FREM1: variants seen among roughly 807,000 people sequenced by gnomAD.
FREM1 encodes the protein FRAS1-related extracellular matrix protein 1.
Under a neutral mutation model 210.1 loss-of-function variants are expected in FREM1, and 220 were observed. The observed-to-expected ratio is 1.05, with a 90% CI of 0.94 to 1.17. FREM1 has a LOEUF of 1.17. FREM1 is among the 50% of genes most tolerant of loss of function. The pLI is 0.00. For missense variants in FREM1, 3,454 were observed against 2,675.5 expected (o/e 1.29, Z -6.42); for synonymous variants, 1,189 against 980.2 (o/e 1.21, Z -3.98).
chr9:14,907,529 G>A (rs752373145), intron 1 of FREM1, among the ~76,000 whole-genome samples: 7 of 152,272 alleles, frequency 4.6e-5, no homozygotes, highest in African/African-American at 1.4e-4. Context: ...AAGGAGTAGC[G>A]ACATCAGATT....
At chr9:14,825,895 A>T (rs116043297) in intron 10 of FREM1, among the ~76,000 whole-genome samples, 2,090 of 152,042 alleles carry the variant, frequency 0.014, 57 homozygotes, top group African/African-American at 0.047. Flanking sequence ...CATTATTGCA[A>T]CTGCTGCCTG....
At chr9:14,872,872 G>A (rs1412184141) in intron 1 of FREM1, among the ~76,000 whole-genome samples, 1 of 151,916 alleles carries the variant, frequency 6.6e-6, no homozygotes, top group Admixed American at 6.6e-5. Context: ...AGAGTTTTTA[G>A]CATGAAGGGC....
At chr9:14,742,272 A>G (rs1369058991) in intron 35 of FREM1, among the ~76,000 whole-genome samples, 1 of 152,166 alleles carries the variant, frequency 6.6e-6, no homozygotes, top group East Asian at 1.9e-4. Context: ...TTGATTAAGT[A>G]TAGGTAGACT....
At chr9:14,763,293 G>C (rs1014004566) in intron 27 of FREM1, among the ~76,000 whole-genome samples, 66 of 152,148 alleles carry the variant, frequency 4.3e-4, no homozygotes, top group African/African-American at 1.6e-3. Flanking sequence ...CTTCCCTCCA[G>C]TCACGACAGC....
chr9:14,742,061 T>C (rs1841668455), intron 35 of FREM1, among the ~76,000 whole-genome samples: 1 of 152,228 alleles, frequency 6.6e-6, no homozygotes, highest in Non-Finnish European at 1.5e-5. Flanking sequence ...ATTCATATGT[T>C]TATTATTTTA....
At chr9:14,778,822 C>T (rs1293964772) in intron 24 of FREM1, among the ~76,000 whole-genome samples, 1 of 146,404 alleles carries the variant, frequency 6.8e-6, no homozygotes, top group South Asian at 2.2e-4. Flanking sequence ...GTGGGTGGAG[C>T]GCTCGAGCTC....
At chr9:14,819,496 G>A in intron 13 of FREM1, 54 bp from the exon 14 acceptor site, 1 of 1,088,128 alleles carries the variant, frequency 9.2e-7, no homozygotes, top group Non-Finnish European at 1.4e-6. Flanking sequence ...GACCCCTGAA[G>A]ACAGAGCTCA....
chr9:14,768,405 T>C (rs1047446633), intron 27 of FREM1, among the ~76,000 whole-genome samples: 3 of 151,854 alleles, frequency 2.0e-5, no homozygotes, highest in Non-Finnish European at 4.4e-5. Flanking sequence ...CCCATAAAGA[T>C]TGTGATCCTG....
chr9:14,870,183 C>G (rs772390482), intron 1 of FREM1, among the ~76,000 whole-genome samples: 1 of 152,274 alleles, frequency 6.6e-6, no homozygotes, highest in Non-Finnish European at 1.5e-5. Context: ...CCAGTAGATA[C>G]CAAAATGAAT....
chr9:14,770,061 G>C (rs565976220), intron 26 of FREM1, among the ~76,000 whole-genome samples, 193 bp from the exon 27 acceptor site: 1 of 152,238 alleles, frequency 6.6e-6, no homozygotes, highest in Middle Eastern at 3.4e-3. Flanking sequence ...GCATTAAGTT[G>C]ACTGCTTCAG....
intron 28 of FREM1, among the ~76,000 whole-genome samples, chr9:14,759,518 C>CAATAATAATAATAATAATAATAAT (rs6150928): frequency 0.18 from 26,067 of 142,802 alleles, 2,662 homozygotes; most frequent in African/African-American, 0.22. Context: ...CTCAAAATAA[C>CAATAATAATAATAATAATAATAAT]AATAATAATA....
intron 17 of FREM1, among the ~76,000 whole-genome samples, chr9:14,807,233 G>A (rs897867327): frequency 2.0e-5 from 3 of 152,164 alleles, no homozygotes; most frequent in Admixed American, 6.5e-5. Context: ...GCCACTAAAC[G>A]TAGTTTATGT....
At chr9:14,747,130 T>C in intron 33 of FREM1, 79 bp from the exon 34 acceptor site, 1 of 1,599,084 alleles carries the variant, frequency 6.3e-7, no homozygotes, top group East Asian at 2.2e-5. Context: ...CTTTGGGTCT[T>C]CATTTGTTGG....
At chr9:14,871,728 C>T (rs968789309) in intron 1 of FREM1, among the ~76,000 whole-genome samples, 1 of 152,084 alleles carries the variant, frequency 6.6e-6, no homozygotes, top group African/African-American at 2.4e-5. Context: ...AAGTCCTTGC[C>T]CATGCCTATG....
chr9:14,747,273 G>A lies in FREM1; in HGVS notation c.6000C>T (p.Phe2000=). ...ACAAAGATTTTCATACCTGTCTGGG[G>A]AAGTGTGAGTCAGTTGTGGATTCCA... The part of the protein sequence containing the change: ...DKVESTTDSH[F]PRQDQLPSFP... The change falls in exon 33 of 37, where the codon TTC becomes TTT. Residue 2000 remains phenylalanine (F), a synonymous_variant. Transcript: ENST00000380880. 6.2e-7 allele frequency: 1 copy of A among 1,612,194 alleles called. No individual in the cohort carries two copies. The highest frequency in any genetic ancestry group is 1.1e-5 in the South Asian group (1 of 90,612).
At chr9:14,851,212 G>A (rs1383476695) in intron 6 of FREM1, 72 bp downstream of exon 6, 8 of 1,120,650 alleles carry the variant, frequency 7.1e-6, no homozygotes, top group Non-Finnish European at 1.0e-5. Context: ...GAACCTGAGG[G>A]TTTAGGGTAG....
At chr9:14,841,155 A>C (rs1201891784) in intron 10 of FREM1, among the ~76,000 whole-genome samples, 1 of 152,220 alleles carries the variant, frequency 6.6e-6, no homozygotes, top group Non-Finnish European at 1.5e-5. Flanking sequence ...CATATAAAAT[A>C]AATGTTTTCT....
rs1340973379 is a variant in FREM1, at chr9:14,816,860, T to C, written c.2558A>G (p.Asp853Gly). ...GTCATCCTGAAGAACTTCAGTTCCA[T>C]CATGTTGATACCTGTGGGGATAATA... The part of the protein sequence containing the change: ...LHTLKVRYQH[D>G]GTEVLQDDLL... The change falls in exon 15 of 37, where the codon GAT becomes GGT. Residue 853 changes from aspartate (D) to glycine (G), a missense_variant. Coordinates refer to ENST00000380880, the MANE Select transcript of FREM1 (RefSeq NM_001379081.2). 6 of 1,368,738 alleles carry C rather than the reference T, an allele frequency of 4.4e-6. No homozygotes were observed. Among genetic ancestry groups the C allele is most frequent in the East Asian group, 5.0e-5 (2 of 40,330 alleles). 84.8% of individuals were successfully genotyped at this position (1,368,738 alleles called of 1,614,324 possible).
chr9:14,878,179 G>A (rs1834121994), intron 1 of FREM1, among the ~76,000 whole-genome samples: 1 of 152,140 alleles, frequency 6.6e-6, no homozygotes, highest in Non-Finnish European at 1.5e-5. Flanking sequence ...TAAAGGTGAA[G>A]CCCTGGTGAT....
Sources: allele counts gnomAD v4.1 joint callset (sites outside exome capture counted in the v4.1 genomes callset), GRCh38; gene constraint gnomAD v4.1.1; transcripts MANE v1.5; gene names NCBI Gene and HGNC (gene_info 2026-07-23, HGNC 2026-07-21).